SHISA9: variants seen among roughly 807,000 people sequenced by gnomAD.
SHISA9 encodes protein shisa-9.
A neutral mutation model predicts 38.0 loss-of-function variants in SHISA9; 13 were observed. The ratio of observed to expected loss-of-function variants is 0.34; its 90% CI spans 0.22 to 0.54. SHISA9 has a LOEUF of 0.54. Ranked by LOEUF, SHISA9 falls within the 20% of genes least tolerant of loss-of-function variation. The pLI is 0.91. For missense variants in SHISA9, 538 were observed against 575.8 expected (o/e 0.93, Z 0.67); for synonymous variants, 275 against 242.0 (o/e 1.14, Z -1.27).
At chr16:12,969,756 C>T (rs1024372165) in intron 2 of SHISA9, among the ~76,000 whole-genome samples, 2 of 151,840 alleles carry the variant, frequency 1.3e-5, no homozygotes, top group African/African-American at 2.4e-5. Flanking sequence ...CCACGCCCTC[C>T]CCACCAAAAA....
chr16:13,278,693 A>G, the SHISA9 span, among the ~76,000 whole-genome samples: 1 of 151,856 alleles, frequency 6.6e-6, no homozygotes, highest in South Asian at 2.1e-4. Context: ...GTTTTCTAGT[A>G]TATGCACATA....
chr16:13,323,444 C>G, the SHISA9 span, among the ~76,000 whole-genome samples: 6 of 152,170 alleles, frequency 3.9e-5, no homozygotes, highest in Non-Finnish European at 7.3e-5. Flanking sequence ...GGATGTTTGT[C>G]CCCCTTCAAA....
chr16:13,489,266 T>G, the SHISA9 span, among the ~76,000 whole-genome samples: 1 of 152,142 alleles, frequency 6.6e-6, no homozygotes, highest in African/African-American at 2.4e-5. Flanking sequence ...GCCAGCCTGG[T>G]CTTGAATTCC....
the SHISA9 span, among the ~76,000 whole-genome samples, chr16:13,367,204 CCATT>C: frequency 3.3e-5 from 5 of 151,144 alleles, no homozygotes; most frequent in Admixed American, 3.3e-4. Flanking sequence ...TTGTCAACAA[CCATT>C]CAAGGATTAT....
the SHISA9 span, among the ~76,000 whole-genome samples, chr16:13,463,698 C>T: frequency 1.5e-3 from 226 of 152,308 alleles, 1 homozygote; most frequent in African/African-American, 5.1e-3. Context: ...AGTTTGGCAG[C>T]GCCCTCATGG....
intron 2 of SHISA9, among the ~76,000 whole-genome samples, chr16:13,086,752 GGA>G (rs1470833269): frequency 6.6e-6 from 1 of 152,144 alleles, no homozygotes; most frequent in Admixed American, 6.5e-5. Context: ...GATGGAAGCA[GGA>G]GAGAGAAAGA....
intron 2 of SHISA9, among the ~76,000 whole-genome samples, chr16:13,075,330 G>A (rs2073567896): frequency 6.6e-6 from 1 of 152,178 alleles, no homozygotes; most frequent in African/African-American, 2.4e-5. Context: ...CCTGGTGTCA[G>A]CCCCTCCAGA....
chr16:13,474,067 C>T, the SHISA9 span: 1 of 152,132 alleles, frequency 6.6e-6, no homozygotes, highest in Non-Finnish European at 1.5e-5. Flanking sequence ...GATAGAAGGG[C>T]CCTGGGTGTG....
chr16:13,229,143 G>C (rs953683030), intron 4 of SHISA9, among the ~76,000 whole-genome samples: 1 of 152,196 alleles, frequency 6.6e-6, no homozygotes, highest in Non-Finnish European at 1.5e-5. Context: ...CTGGGTGACA[G>C]AGCGAGACAC....
intron 2 of SHISA9, among the ~76,000 whole-genome samples, chr16:13,098,477 G>A (rs377663090): frequency 6.6e-6 from 1 of 152,162 alleles, no homozygotes; most frequent in African/African-American, 2.4e-5. Context: ...TGCTGGCCCT[G>A]TGTTTTCCCT....
At chr16:13,425,629 AC>A in the SHISA9 span, among the ~76,000 whole-genome samples, 152 of 152,346 alleles carry the variant, frequency 1.0e-3, no homozygotes, top group African/African-American at 3.3e-3. Flanking sequence ...ATTATGCAAT[AC>A]ACTCGTGAAA....
intron 2 of SHISA9, among the ~76,000 whole-genome samples, chr16:12,929,809 G>GA (rs951702260): frequency 2.0e-5 from 3 of 151,854 alleles, no homozygotes; most frequent in Admixed American, 6.6e-5. Flanking sequence ...AAGTTGAAGG[G>GA]AAAAAAACAT....
chr16:13,029,100 T>C (rs977236314), intron 2 of SHISA9, among the ~76,000 whole-genome samples: 2 of 152,310 alleles, frequency 1.3e-5, no homozygotes, highest in East Asian at 3.9e-4. Flanking sequence ...CTAGTAGATA[T>C]ATAGAGCTAC....
chr16:13,502,023 A>T, the SHISA9 span, among the ~76,000 whole-genome samples: 2 of 152,160 alleles, frequency 1.3e-5, no homozygotes, highest in East Asian at 3.8e-4. Flanking sequence ...AATTGCTGAA[A>T]GAATGAACAA....
At chr16:13,345,704 T>A in the SHISA9 span, among the ~76,000 whole-genome samples, 9 of 152,226 alleles carry the variant, frequency 5.9e-5, no homozygotes, top group Admixed American at 5.9e-4. Flanking sequence ...TGAACTAATT[T>A]ACATTCCCAC....
chr16:13,010,389 A>G (rs987039784), intron 2 of SHISA9, among the ~76,000 whole-genome samples: 6 of 152,184 alleles, frequency 3.9e-5, no homozygotes, highest in Non-Finnish European at 8.8e-5. Flanking sequence ...AACCAACAGT[A>G]TCTTAGACTT....
At chr16:13,347,587 G>T in the SHISA9 span, among the ~76,000 whole-genome samples, 1 of 151,974 alleles carries the variant, frequency 6.6e-6, no homozygotes, top group African/African-American at 2.4e-5. Context: ...TCTGGACAAA[G>T]AAAAAAATAC....
chr16:13,177,504 C>T (rs547528641), intron 2 of SHISA9, among the ~76,000 whole-genome samples: 25 of 152,276 alleles, frequency 1.6e-4, no homozygotes, highest in African/African-American at 5.8e-4. Context: ...GTGAATTAGG[C>T]AAGACTAGTG....
intron 2 of SHISA9, among the ~76,000 whole-genome samples, chr16:12,974,429 A>G (rs1323394534): frequency 2.0e-5 from 3 of 151,462 alleles, no homozygotes; most frequent in African/African-American, 4.9e-5. Context: ...AAAATTAAGA[A>G]TATGACTTTC....
Sources: gnomAD v4.1 joint callset for allele counts (sites outside exome capture counted in the v4.1 genomes callset) on GRCh38, gnomAD v4.1.1 for gene constraint, MANE v1.5 for transcripts, NCBI Gene and HGNC (gene_info 2026-07-23, HGNC 2026-07-21) for gene names.